The following DUS2 variants were observed in gnomAD, a reference collection of about 807,000 sequenced individuals.
DUS2 encodes tRNA-dihydrouridine(20) synthase [NAD(P)+]-like.
In DUS2, 52 loss-of-function variants were observed where a neutral mutation model predicts 71.3. The ratio of observed to expected loss-of-function variants is 0.73; its 90% CI spans 0.58 to 0.92. DUS2 has a LOEUF of 0.92. Among genes scored for constraint, DUS2 ranks in the 40% least tolerant of loss-of-function variants. The pLI is 0.00. For synonymous variants in DUS2, 204 were observed against 227.8 expected, an observed-to-expected ratio of 0.90 and a Z score of 0.94; for missense variants, 558 against 622.6, an observed-to-expected ratio of 0.90 and a Z score of 1.10.
At chr16:68,036,740 A>G (rs1021066051) in intron 2 of DUS2, among the ~76,000 whole-genome samples, 1 of 152,190 alleles carries the variant, frequency 6.6e-6, no homozygotes, top group African/African-American at 2.4e-5. Context: ...GCGCCTGACC[A>G]CATTCTACGC....
chr16:68,035,881 A>C (rs1201572831), intron 2 of DUS2, among the ~76,000 whole-genome samples: 1 of 90,494 alleles, frequency 1.1e-5, no homozygotes, highest in Non-Finnish European at 1.9e-5. Flanking sequence ...CATCCCGCTA[A>C]TTTTATATAT....
intron 12 of DUS2, among the ~76,000 whole-genome samples, chr16:68,073,246 G>C (rs2034111732): frequency 6.6e-6 from 1 of 152,146 alleles, no homozygotes; most frequent in Admixed American, 6.5e-5. Flanking sequence ...AGATGACCAA[G>C]GTCGAAGTGG....
chr16:68,028,652 A>G (rs2033392821), intron 2 of DUS2, among the ~76,000 whole-genome samples: 1 of 152,236 alleles, frequency 6.6e-6, no homozygotes. Context: ...ACAAACAAAC[A>G]AACAAAAAAT....
At chr16:68,037,916 G>A (rs2151413396) in intron 2 of DUS2, 90 bp from the exon 3 acceptor site, 2 of 1,326,850 alleles carry the variant, frequency 1.5e-6, no homozygotes, top group Non-Finnish European at 2.1e-6. Context: ...ACTGTGTGCT[G>A]GAACCTTGAA....
At chr16:68,027,703 A>C (rs1378552846) in intron 2 of DUS2, among the ~76,000 whole-genome samples, 1 of 152,256 alleles carries the variant, frequency 6.6e-6, no homozygotes, top group Non-Finnish European at 1.5e-5. Flanking sequence ...AATAGTTGCC[A>C]GGATAGCTCC....
chr16:68,054,160 A>T (rs1376228783), intron 5 of DUS2: 1 of 212,866 alleles, frequency 4.7e-6, no homozygotes, highest in Non-Finnish European at 9.4e-6. Flanking sequence ...ACAATGGGTA[A>T]CCATGTGATA....
At chr16:68,073,899 C>G (rs2034120716) in intron 12 of DUS2, 135 bp from the exon 13 acceptor site, 3 of 1,110,170 alleles carry the variant, frequency 2.7e-6, no homozygotes, top group African/African-American at 1.6e-5. Flanking sequence ...AGTGGTGGTT[C>G]TTCTTATGGG....
At chr16:68,041,398 C>T (rs2033623305) in intron 3 of DUS2, among the ~76,000 whole-genome samples, 1 of 152,088 alleles carries the variant, frequency 6.6e-6, no homozygotes, top group Non-Finnish European at 1.5e-5. Context: ...TGGTGGGATT[C>T]TGGTGTTCCT....
At chr16:68,030,397 G>A (rs988088573) in intron 2 of DUS2, among the ~76,000 whole-genome samples, 30 of 151,822 alleles carry the variant, frequency 2.0e-4, no homozygotes, top group Non-Finnish European at 3.2e-4. Flanking sequence ...AGTTCAAGAC[G>A]AGTCTGGCCA....
chr16:68,054,461 C>T (rs2151420157), intron 5 of DUS2, 113 bp from the exon 6 acceptor site: 4 of 1,187,986 alleles, frequency 3.4e-6, no homozygotes, highest in South Asian at 2.5e-5. Flanking sequence ...CAGCCTGACT[C>T]TGTTGTTGGT....
intron 7 of DUS2, among the ~76,000 whole-genome samples, chr16:68,060,796 C>T (rs962773104): frequency 1.8e-4 from 28 of 151,728 alleles, no homozygotes; most frequent in Admixed American, 6.6e-4. Flanking sequence ...TGCAGTGAGC[C>T]GAGATTGCGC....
chr16:68,023,764 C>G (rs913907272), intron 1 of DUS2: 5 of 167,266 alleles, frequency 3.0e-5, no homozygotes, highest in Non-Finnish European at 5.9e-5. Context: ...AGCTTCTTCT[C>G]TCTCTCAAGT....
At chr16:68,062,717 T>TGAAA (rs2033956848) in intron 8 of DUS2, among the ~76,000 whole-genome samples, 1 of 74,980 alleles carries the variant, frequency 1.3e-5, no homozygotes, top group African/African-American at 5.6e-5. Context: ...AGACTCCGTC[T>TGAAA]CAAAAAAAAA....
intron 3 of DUS2, among the ~76,000 whole-genome samples, chr16:68,044,396 CTTTT>C (rs1001911267): frequency 2.2e-5 from 3 of 135,528 alleles, no homozygotes; most frequent in Non-Finnish European, 1.6e-5. Flanking sequence ...TCTTTAATTT[CTTTT>C]TTTTTTTTTT....
chr16:68,040,323 T>G (rs942158607), intron 3 of DUS2, among the ~76,000 whole-genome samples: 1 of 152,100 alleles, frequency 6.6e-6, no homozygotes, highest in Non-Finnish European at 1.5e-5. Flanking sequence ...CCTCAGGTAA[T>G]CCACCTGCCT....
At chr16:68,069,331 T>C (rs2034052664) in intron 10 of DUS2, among the ~76,000 whole-genome samples, 1 of 152,146 alleles carries the variant, frequency 6.6e-6, no homozygotes, top group Admixed American at 6.5e-5. Context: ...GAGGTTGCAG[T>C]GAGCCGAGAT....
chr16:68,058,478 G>A (rs1165877113), intron 7 of DUS2, among the ~76,000 whole-genome samples: 2 of 151,860 alleles, frequency 1.3e-5, no homozygotes, highest in Non-Finnish European at 2.9e-5. Context: ...CACCTGCCTC[G>A]GCCTCCCAAA....
At chr16:68,055,028 C>T (rs957857138) in intron 6 of DUS2, among the ~76,000 whole-genome samples, 3 of 149,160 alleles carry the variant, frequency 2.0e-5, no homozygotes, top group Admixed American at 6.7e-5. Flanking sequence ...GGTGACCAAG[C>T]GAGACTCTGT....
chr16:68,074,000 G>A, intron 12 of DUS2, 34 bp from the exon 13 acceptor site: 1 of 1,612,986 alleles, frequency 6.2e-7, no homozygotes, highest in Non-Finnish European at 8.5e-7. Flanking sequence ...CTTAGAGCCT[G>A]CCTGGGCATC....
Sources: allele counts gnomAD v4.1 joint callset (sites outside exome capture counted in the v4.1 genomes callset), GRCh38; gene constraint gnomAD v4.1.1; transcripts MANE v1.5; gene names NCBI Gene and HGNC (gene_info 2026-07-23, HGNC 2026-07-21).